The following NAA35 variants were observed in gnomAD, a reference collection of about 807,000 sequenced individuals.
NAA35 encodes the protein MAK10 homolog, amino-acid N-acetyltransferase subunit.
A neutral mutation model predicts 101.7 loss-of-function variants in NAA35; 18 were observed. That is an observed-to-expected ratio of 0.18 (90% confidence interval 0.12 to 0.26). NAA35 has a LOEUF of 0.26. NAA35 is among the 10% of genes least tolerant of loss of function. NAA35 has a pLI of 1.00. For missense variants in NAA35, 601 were observed against 886.8 expected, an observed-to-expected ratio of 0.68 and a Z score of 4.09; for synonymous variants, 267 against 273.1, an observed-to-expected ratio of 0.98 and a Z score of 0.22.
chr9:85,997,639 G>A (rs900357384), intron 12 of NAA35, among the ~76,000 whole-genome samples: 2 of 151,936 alleles, frequency 1.3e-5, no homozygotes, highest in African/African-American at 2.4e-5. Flanking sequence ...CACTGCACCC[G>A]GTCAATTTTT....
intron 11 of NAA35, among the ~76,000 whole-genome samples, chr9:85,983,438 T>G (rs893353007): frequency 6.6e-6 from 1 of 152,168 alleles, no homozygotes; most frequent in Non-Finnish European, 1.5e-5. Context: ...AAGCTTGACC[T>G]GTATTCACAG....
At position 86,021,246 on chromosome 9, in the gene NAA35, G is replaced by T. The variant is rs28584678; in HGVS notation, c.2118+277G>T. ...GGTAAAAAAAGAAAATTTATGTAAAGAAATTTTATGGGAGAAGTATGAGGT... is the reference window on the plus strand; with the variant it reads ...GGTAAAAAAAGAAAATTTATGTAAATAAATTTTATGGGAGAAGTATGAGGT... On this transcript the variant is annotated intron_variant, in intron 22 of 22. Coordinates refer to ENST00000361671, the MANE Select transcript of NAA35 (RefSeq NM_024635.4). 4.0e-3 allele frequency among the ~76,000 whole-genome samples: 602 copies of T among 152,280 alleles called. 5 individuals carry two copies. Among genetic ancestry groups the T allele is most frequent in the African/African-American group, 0.014 (569 of 41,554 alleles).
chr9:85,942,070 C>T, intron 1 of NAA35, 85 bp from the exon 2 acceptor site: 8 of 1,536,594 alleles, frequency 5.2e-6, no homozygotes, highest in Non-Finnish European at 6.1e-6. Flanking sequence ...AGACTTCATC[C>T]TATGCTGAAA....
At chr9:86,011,449 C>T (rs190888508) in intron 15 of NAA35, among the ~76,000 whole-genome samples, 1 of 150,938 alleles carries the variant, frequency 6.6e-6, no homozygotes, top group South Asian at 2.1e-4. Flanking sequence ...ACCTCTACCC[C>T]CTGGGTTCAA....
intron 6 of NAA35, chr9:85,966,789 T>C: frequency 5.6e-6 from 2 of 358,742 alleles, no homozygotes; most frequent in Non-Finnish European, 5.0e-6. Context: ...AAACTAGTTA[T>C]TTCACCTCTA....
At chr9:85,994,524 T>A (rs538940521) in intron 11 of NAA35, among the ~76,000 whole-genome samples, 68 of 152,332 alleles carry the variant, frequency 4.5e-4, no homozygotes, top group Non-Finnish European at 9.1e-4. Flanking sequence ...TTTCCAGAAT[T>A]CCTTCCAATT....
At chr9:85,945,042 G>A (rs914818187) in intron 2 of NAA35, among the ~76,000 whole-genome samples, 1 of 152,208 alleles carries the variant, frequency 6.6e-6, no homozygotes, top group Non-Finnish European at 1.5e-5. Flanking sequence ...CAAGAAAGCA[G>A]TTTAGAATAC....
rs369907732 is a variant in NAA35, at chr9:86,010,908, ACTTAT to A, written c.1290+981_1290+985del. Among the ~76,000 whole-genome samples, 184 of 151,410 alleles carry A rather than the reference ACTTAT, an allele frequency of 1.2e-3. 4 individuals carry two copies. In the South Asian group the frequency reaches 0.032, roughly 27 times the overall value. Reference sequence around the variant, plus strand: ...TAGAATATTTTTAACATCCTTGTACACTTATCTTTGTATTATATTAATGAACTGAG... The same window carrying A: ...TAGAATATTTTTAACATCCTTGTACACTTTGTATTATATTAATGAACTGAG... On this transcript the variant is annotated intron_variant, in intron 15 of 22. Coordinates refer to ENST00000361671, the MANE Select transcript of NAA35 (RefSeq NM_024635.4).
chr9:86,009,842 A>G (rs200342764), intron 14 of NAA35, 23 bp from the exon 15 acceptor site: 5 of 1,585,478 alleles, frequency 3.2e-6, no homozygotes, highest in East Asian at 2.2e-5. Context: ...ATAGATTTTA[A>G]TGATGTGACT....
Position 85,978,419 on chromosome 9 carries a change from G to T in NAA35, c.877+38G>T, listed in dbSNP as rs201716367. ...TTTGCTCCTACTCTTTCTTTTCTTC[G>T]TTTCTATCCAAAATATTTAGTGCTT... On this transcript the variant is annotated intron_variant, in intron 11 of 22. Coordinates refer to ENST00000361671, the MANE Select transcript of NAA35 (RefSeq NM_024635.4). 1.2e-4 allele frequency: 167 copies of T among 1,367,050 alleles called. No homozygotes were observed. The African/African-American group carries it at 2.0e-3, about 16-fold the overall frequency. The allele number at this position is 1,367,050 out of a possible 1,614,324, so 84.7% of individuals were successfully genotyped here. A position where few individuals can be genotyped will look rare whatever the true frequency, so the allele number is the denominator to read the frequency against.
At chr9:86,021,105 C>CAA in intron 22 of NAA35, 136 bp downstream of exon 22, 1 of 587,252 alleles carries the variant, frequency 1.7e-6, no homozygotes, top group Non-Finnish European at 2.8e-6. Context: ...AGTTCAGCAG[C>CAA]AAAAAATTAG....
chr9:85,978,423 C>A, intron 11 of NAA35, 42 bp downstream of exon 11: 1 of 1,354,664 alleles, frequency 7.4e-7, no homozygotes, highest in Non-Finnish European at 1.1e-6. Context: ...TTCTTCGTTT[C>A]TATCCAAAAT....
chr9:85,971,578 T>C (rs780112069), intron 6 of NAA35, among the ~76,000 whole-genome samples: 2 of 152,198 alleles, frequency 1.3e-5, no homozygotes, highest in Non-Finnish European at 2.9e-5. Flanking sequence ...AGTCTTTCCC[T>C]GACTTCAGTC....
chr9:85,985,643 T>C (rs890107290), intron 11 of NAA35, among the ~76,000 whole-genome samples: 4 of 152,202 alleles, frequency 2.6e-5, no homozygotes, highest in African/African-American at 9.7e-5. Flanking sequence ...TCGTGGGTGA[T>C]GAAAATGTTC....
In NAA35 at chr9:85,941,286, C is replaced by T. The variant is rs1324069179; in HGVS notation, c.-6+13C>T. On this transcript the variant is annotated intron_variant, in intron 1 of 22. Coordinates refer to ENST00000361671, the MANE Select transcript of NAA35 (RefSeq NM_024635.4). Reference sequence around the variant, plus strand: ...ACGGGAGAAGTAGGTAGGGACCGCCCCTGCGTAGCCATTGAAACCCTCTCG... The same window carrying T: ...ACGGGAGAAGTAGGTAGGGACCGCCTCTGCGTAGCCATTGAAACCCTCTCG... 1.1e-5 allele frequency: 11 copies of T among 985,602 alleles called. No homozygotes were observed. The highest frequency in any genetic ancestry group is 2.3e-4 in the East Asian group (2 of 8,790). The allele number at this position is 985,602 out of a possible 1,614,324, so 61.1% of individuals were successfully genotyped here. A position where few individuals can be genotyped will look rare whatever the true frequency, so the allele number is the denominator to read the frequency against.
At position 86,024,497 on chromosome 9, in the gene NAA35, T is replaced by C. The variant is rs568424091; in HGVS notation, c.*2537T>C. 2.6e-5 allele frequency among the ~76,000 whole-genome samples: 4 copies of C among 152,110 alleles called. No homozygotes were observed. The highest frequency in any genetic ancestry group is 2.6e-4 in the Admixed American group (4 of 15,280). On this transcript the variant is annotated 3_prime_UTR_variant, in exon 23 of 23. Transcript: ENST00000361671. ...GTCAAATCTGCTTGCCTGAGAATGG[T>C]TGAAAAGGGAGGCAGGGAAGCCAGT... is the stretch of plus-strand genomic sequence containing the variant.
In NAA35 at chr9:86,024,657, T is replaced by G. The variant is rs748108619; in HGVS notation, c.*2697T>G. ...GAGTTTCTGCCAAAATCAAGGATGA[T>G]TTTTCAGAAATTTTTTTGGCTTTGG... On this transcript the variant is annotated 3_prime_UTR_variant, in exon 23 of 23. Transcript: ENST00000361671. 2.0e-5 allele frequency among the ~76,000 whole-genome samples: 3 copies of G among 152,164 alleles called. No individual in the cohort carries two copies. Among genetic ancestry groups the G allele is most frequent in the Non-Finnish European group, 2.9e-5 (2 of 68,020 alleles).
At chr9:86,004,213 T>C (rs1195626847) in intron 13 of NAA35, among the ~76,000 whole-genome samples, 1 of 152,208 alleles carries the variant, frequency 6.6e-6, no homozygotes, top group Non-Finnish European at 1.5e-5. Context: ...CAAGTGATTC[T>C]TGTGCCTCAG....
chr9:86,018,125 GTCC>G (rs1343827045), intron 19 of NAA35, 127 bp from the exon 20 acceptor site: 17 of 758,268 alleles, frequency 2.2e-5, no homozygotes, highest in Non-Finnish European at 3.5e-5. Flanking sequence ...ACAATTATAT[GTCC>G]TCATTTCTTC....
Sources: allele counts gnomAD v4.1 joint callset (sites outside exome capture counted in the v4.1 genomes callset), GRCh38; gene constraint gnomAD v4.1.1; transcripts MANE v1.5; gene names NCBI Gene and HGNC (gene_info 2026-07-23, HGNC 2026-07-21).